Variants in GRK7 observed in about 807,000 individuals in gnomAD.
GRK7 encodes the protein G protein-coupled receptor kinase 7, also known as rhodopsin kinase GRK7.
GRK7 carries 24 observed loss-of-function variants against 34.1 expected under a neutral mutation model. The ratio of observed to expected loss-of-function variants is 0.70; its 90% CI spans 0.51 to 0.99. GRK7 has a LOEUF of 0.99. Ranked by LOEUF, GRK7 falls within the 50% of genes least tolerant of loss-of-function variation. GRK7 has a pLI of 0.00. For missense variants in GRK7, 644 were observed against 707.3 expected, an observed-to-expected ratio of 0.91 and a Z score of 1.02; for synonymous variants, 256 against 279.4, an observed-to-expected ratio of 0.92 and a Z score of 0.84.
At position 141,763,596 on chromosome 3, in the gene GRK7, G is replaced by T. The variant is rs1346435555; in HGVS notation, c.-2357G>T. Among the ~76,000 whole-genome samples, 1 of 152,092 alleles carries T rather than the reference G, an allele frequency of 6.6e-6. No individual in the cohort carries two copies. Among genetic ancestry groups the T allele is most frequent in the Non-Finnish European group, 1.5e-5 (1 of 68,008 alleles). ...AGGATCCCGGATCCAGATCCAGTGTGCGTGGCAAGGCCAGCACCCCTCCCT... is the reference window on the plus strand; with the variant it reads ...AGGATCCCGGATCCAGATCCAGTGTTCGTGGCAAGGCCAGCACCCCTCCCT... On this transcript the variant is annotated 5_prime_UTR_variant, in exon 1 of 6. Transcript: ENST00000682958.
chr3:141,766,940 T>C (rs1439459604), intron 1 of GRK7, among the ~76,000 whole-genome samples: 5 of 152,246 alleles, frequency 3.3e-5, no homozygotes, highest in African/African-American at 1.2e-4. Context: ...CCTTCAGATA[T>C]ACCAATTACT....
intron 5 of GRK7, among the ~76,000 whole-genome samples, chr3:141,809,109 C>T (rs1248573871): frequency 2.6e-5 from 4 of 151,356 alleles, no homozygotes; most frequent in Non-Finnish European, 5.9e-5. Flanking sequence ...GGCTAAGGCA[C>T]AAGAATCACT....
chr3:141,752,411 TGCTAA>T, the GRK7 span, among the ~76,000 whole-genome samples: 1 of 152,186 alleles, frequency 6.6e-6, no homozygotes, highest in Non-Finnish European at 1.5e-5. Context: ...CCAGGGATGC[TGCTAA>T]ACGTCCACAA....
chr3:141,800,040 C>A (rs1306521462), intron 4 of GRK7, among the ~76,000 whole-genome samples: 4 of 152,166 alleles, frequency 2.6e-5, no homozygotes, highest in African/African-American at 9.7e-5. Context: ...TTACTGACTG[C>A]CACTGACTTA....
Position 141,778,046 on chromosome 3 carries a change from G to GC in GRK7, c.-113-125dup. The GC allele has an allele frequency of 8.0e-6, 4 of 500,182 alleles. No individual in the cohort carries two copies. In the South Asian group the frequency reaches 1.6e-4, roughly 19 times the overall value. 31.0% of individuals were successfully genotyped at this position (500,182 alleles called of 1,614,324 possible). ...GGAGGTGGCCCCGGCAGGTGTCCCA[G>GC]CAGCTTTCGCCTTGGCAGGTGGGAG... On this transcript the variant is annotated intron_variant, in intron 2 of 5. Transcript: ENST00000682958. The surrounding 1 kb of genome is among the most constrained non-coding windows in gnomAD (Gnocchi z 4.1).
intron 4 of GRK7, among the ~76,000 whole-genome samples, chr3:141,786,566 A>G (rs971451090): frequency 5.9e-5 from 9 of 152,076 alleles, no homozygotes; most frequent in African/African-American, 2.2e-4. Flanking sequence ...TCATGATGTC[A>G]GGAGATCAAG....
chr3:141,779,609 C>A (rs1270029080), intron 3 of GRK7, among the ~76,000 whole-genome samples: 4 of 152,124 alleles, frequency 2.6e-5, no homozygotes, highest in Non-Finnish European at 2.9e-5. Context: ...CGCACAAATG[C>A]AATGTTGGGT....
At chr3:141,762,010 C>T (rs896818480), upstream of GRK7, among the ~76,000 whole-genome samples, 4 of 137,588 alleles carry the variant, frequency 2.9e-5, no homozygotes, top group African/African-American at 8.5e-5. Context: ...TCTAGTTATA[C>T]ATTCTTCTAA....
rs2084652104 is a variant in GRK7, at chr3:141,778,388, G to C, written c.104G>C (p.Arg35Pro). ...AGCAAAGAGCTGCAGCGGCGGCGGCGTAGCCTGGCCCTGCCCGGGCTGCAG... is the reference window on the plus strand; with the variant it reads ...AGCAAAGAGCTGCAGCGGCGGCGGCCTAGCCTGGCCCTGCCCGGGCTGCAG... ...CDSKELQRRRRSLALPGLQGC... is the reference protein window; with the variant it reads ...CDSKELQRRRPSLALPGLQGC... Residue 35 changes from arginine to proline, a missense_variant, in exon 3 of 6, where the codon CGT (arginine) becomes CCT (proline). By Grantham distance (103) the Arg-to-Pro change is moderately radical. Coordinates refer to ENST00000682958, the MANE Select transcript of GRK7 (RefSeq NM_139209.3). This position sits in a 1 kb window ranked among gnomAD's most constrained non-coding sequence, Gnocchi z 4.1. 1 of 1,611,988 alleles carries C rather than the reference G, an allele frequency of 6.2e-7. No homozygotes were observed.
chr3:141,767,402 TG>T (rs1157742389), intron 1 of GRK7, among the ~76,000 whole-genome samples: 36 of 149,512 alleles, frequency 2.4e-4, no homozygotes, highest in Admixed American at 8.7e-4. Context: ...TTTTGTTTTT[TG>T]TTTTTTTTTT....
chr3:141,798,828 G>A (rs771768552), intron 4 of GRK7, among the ~76,000 whole-genome samples: 7 of 152,190 alleles, frequency 4.6e-5, no homozygotes, highest in African/African-American at 7.2e-5. Flanking sequence ...AAATACCTCC[G>A]CTCTTCAAGG....
chr3:141,786,156 G>C (rs111731117), intron 4 of GRK7, among the ~76,000 whole-genome samples: 2,894 of 152,184 alleles, frequency 0.019, 95 homozygotes, highest in African/African-American at 0.066. Context: ...TCCAGCCTCT[G>C]TTTTGGGGGA....
chr3:141,783,379 A>T (rs1278725909), intron 4 of GRK7, among the ~76,000 whole-genome samples: 3 of 152,236 alleles, frequency 2.0e-5, no homozygotes, highest in African/African-American at 7.2e-5. Context: ...ATGTGTGCCC[A>T]CGTTGTAGAT....
chr3:141,792,263 G>C (rs2084728025), intron 4 of GRK7, among the ~76,000 whole-genome samples: 1 of 151,936 alleles, frequency 6.6e-6, no homozygotes, highest in Admixed American at 6.6e-5. Flanking sequence ...AATTAGCCGG[G>C]CATTGTAGCA....
At chr3:141,760,071 C>A (rs1198188080), upstream of GRK7, among the ~76,000 whole-genome samples, 1 of 147,666 alleles carries the variant, frequency 6.8e-6, no homozygotes, top group Non-Finnish European at 1.5e-5. Flanking sequence ...GTCTTGCTAG[C>A]GGTCTATCAA....
chr3:141,783,565 T>C (rs982427864), intron 4 of GRK7, among the ~76,000 whole-genome samples: 4 of 152,130 alleles, frequency 2.6e-5, no homozygotes, highest in East Asian at 1.9e-4. Context: ...CCTGTGGGAT[T>C]TGGCAATTAG....
chr3:141,775,412 AAAAG>A (rs1277536992), intron 2 of GRK7, among the ~76,000 whole-genome samples: 3 of 152,162 alleles, frequency 2.0e-5, no homozygotes, highest in Non-Finnish European at 4.4e-5. Context: ...AAAAGAAAAG[AAAAG>A]AAAGTGAGTT....
In GRK7 at chr3:141,764,309, T is replaced by C. The variant is rs2084569932; in HGVS notation, c.-1644T>C. 6.6e-6 allele frequency among the ~76,000 whole-genome samples: 1 copy of C among 152,184 alleles called. No individual in the cohort carries two copies. The highest frequency in any genetic ancestry group is 2.1e-4 in the South Asian group (1 of 4,828). On this transcript the variant is annotated 5_prime_UTR_variant, in exon 1 of 6. Transcript: ENST00000682958. ...AAGACTCCTCAAGAGTAGCTTACAC[T>C]AGCTGCCTCCAATTCATTGATTCTC...
At chr3:141,801,310 C>CAAAAAAAAAAAAAAAAAAAAAAAAAAA (rs55657739) in intron 4 of GRK7, among the ~76,000 whole-genome samples, 1 of 70,012 alleles carries the variant, frequency 1.4e-5, no homozygotes, top group Non-Finnish European at 2.6e-5. Context: ...GACTCCGTCT[C>CAAAAAAAAAAAAAAAAAAAAAAAAAAA]AAAAAAAAAA....
Sources: gnomAD v4.1 joint callset for allele counts (sites outside exome capture counted in the v4.1 genomes callset) on GRCh38, gnomAD v4.1.1 for gene constraint, Gnocchi (gnomAD v3.1) non-coding constraint, MANE v1.5 for transcripts, NCBI Gene and HGNC (gene_info 2026-07-23, HGNC 2026-07-21) for gene names.